Variants in PLXNA4 observed in about 807,000 individuals in gnomAD.
PLXNA4 encodes plexin A4.
Under a neutral mutation model 191.8 loss-of-function variants are expected in PLXNA4, and 44 were observed. The ratio of observed to expected loss-of-function variants is 0.23; its 90% CI spans 0.18 to 0.29. The LOEUF (loss-of-function observed/expected upper bound fraction) is 0.29, where lower values mean the gene tolerates loss of function less well. PLXNA4 is among the 10% of genes least tolerant of loss of function. The probability of loss-of-function intolerance (pLI) is 1.00; values close to 1 mark genes in which losing one functional copy is unlikely to be tolerated. For missense variants in PLXNA4, 1,800 were observed against 2,488.8 expected, an observed-to-expected ratio of 0.72 and a Z score of 5.89; for synonymous variants, 1,082 against 1,009.5, an observed-to-expected ratio of 1.07 and a Z score of -1.36.
chr7:132,140,555 C>T (rs755596347), intron 30 of PLXNA4, 44 bp downstream of exon 30: 5 of 1,602,370 alleles, frequency 3.1e-6, no homozygotes, highest in Non-Finnish European at 3.4e-6. Context: ...GAGCTGCTGG[C>T]TCCAGCAAGG....
chr7:132,489,211 CA>C, intron 3 of PLXNA4, 80 bp downstream of exon 3: 2 of 1,436,358 alleles, frequency 1.4e-6, no homozygotes, highest in Non-Finnish European at 1.9e-6. Context: ...CCCAAGTTAG[CA>C]AAAAGATGTA....
intron 1 of PLXNA4, among the ~76,000 whole-genome samples, chr7:132,561,402 C>CTCCTCCTCT (rs1801050097): frequency 7.0e-6 from 1 of 143,018 alleles, no homozygotes; most frequent in African/African-American, 2.7e-5. Context: ...CCTCCTCTTC[C>CTCCTCCTCT]TCCTCCTCCT....
Position 132,241,286 on chromosome 7 carries a change from G to A in PLXNA4, c.1504-120C>T, listed in dbSNP as rs188252861. 7.1e-5 allele frequency: 49 copies of A among 687,056 alleles called. 1 individual carries two copies. The East Asian group carries it at 1.4e-3, about 19-fold the overall frequency. 42.6% of individuals were successfully genotyped at this position (687,056 alleles called of 1,614,324 possible). On this transcript the variant is annotated intron_variant, in intron 4 of 31. Transcript: ENST00000321063. ...CCTGAAATGTTGCAGGAGCATGAAG[G>A]TGCTTGGAGCCCAGTGTGGGAAGGG...
At chr7:132,448,259 C>A (rs1795985804) in intron 3 of PLXNA4, among the ~76,000 whole-genome samples, 1 of 152,156 alleles carries the variant, frequency 6.6e-6, no homozygotes, top group Non-Finnish European at 1.5e-5. Flanking sequence ...TGGTGACCAG[C>A]TCCACAAGGA....
chr7:132,578,450 G>A (rs1802337555), upstream of PLXNA4, among the ~76,000 whole-genome samples: 1 of 152,100 alleles, frequency 6.6e-6, no homozygotes, highest in Non-Finnish European at 1.5e-5. Context: ...CCCTCCCATC[G>A]AAACATCTCA....
chr7:132,188,273 G>A (rs1253191890), intron 14 of PLXNA4, among the ~76,000 whole-genome samples: 1 of 152,240 alleles, frequency 6.6e-6, no homozygotes, highest in Non-Finnish European at 1.5e-5. Context: ...AGTCCAGGTT[G>A]GGGGCAGGGC....
chr7:132,564,153 TCTCCTC>T (rs1234778304), intron 1 of PLXNA4, among the ~76,000 whole-genome samples: 3 of 78,740 alleles, frequency 3.8e-5, no homozygotes, highest in East Asian at 9.9e-4. Flanking sequence ...TCCTCCTCCT[TCTCCTC>T]CTCCTTCTCC....
At chr7:132,528,275 C>T (rs1799485946) in intron 1 of PLXNA4, among the ~76,000 whole-genome samples, 1 of 152,176 alleles carries the variant, frequency 6.6e-6, no homozygotes, top group Non-Finnish European at 1.5e-5. Flanking sequence ...GAGGCTTCTC[C>T]ATGGTGCGGA....
At chr7:132,488,107 A>T (rs1162909388) in intron 3 of PLXNA4, among the ~76,000 whole-genome samples, 1 of 152,078 alleles carries the variant, frequency 6.6e-6, no homozygotes, top group Non-Finnish European at 1.5e-5. Flanking sequence ...CCCAGTGCTC[A>T]TTGTTTTCTT....
intron 3 of PLXNA4, among the ~76,000 whole-genome samples, chr7:132,424,258 C>A (rs534859250): frequency 6.6e-6 from 1 of 152,172 alleles, no homozygotes; most frequent in East Asian, 1.9e-4. Context: ...GTCTGCCCCC[C>A]GCTCCCTGGC....
intron 5 of PLXNA4, among the ~76,000 whole-genome samples, chr7:132,232,213 T>C (rs1443161023): frequency 2.0e-5 from 3 of 152,070 alleles, no homozygotes; most frequent in Non-Finnish European, 4.4e-5. Flanking sequence ...GTGGCTTAGA[T>C]GTTTCATTCC....
At chr7:132,335,963 C>T (rs1181874690) in intron 3 of PLXNA4, among the ~76,000 whole-genome samples, 1 of 152,204 alleles carries the variant, frequency 6.6e-6, no homozygotes, top group East Asian at 1.9e-4. Flanking sequence ...CTACTGTCTG[C>T]TGAGAATGAA....
intron 4 of PLXNA4, among the ~76,000 whole-genome samples, chr7:132,282,161 T>A (rs572897485): frequency 6.6e-6 from 1 of 152,336 alleles, no homozygotes; most frequent in East Asian, 1.9e-4. Context: ...AAATTTTTTT[T>A]ATTATTATAC....
At chr7:132,319,830 C>T (rs779392153) in intron 3 of PLXNA4, among the ~76,000 whole-genome samples, 19 of 152,238 alleles carry the variant, frequency 1.2e-4, no homozygotes, top group African/African-American at 4.6e-4. Context: ...GAGCCGTGCA[C>T]GGCAGTACCA....
At chr7:132,482,779 G>A (rs972000747) in intron 3 of PLXNA4, among the ~76,000 whole-genome samples, 1 of 149,186 alleles carries the variant, frequency 6.7e-6, no homozygotes, top group African/African-American at 2.5e-5. Context: ...TGCAACCTCC[G>A]CCTCCTGGGT....
chr7:132,526,400 A>G (rs12530624), intron 1 of PLXNA4, among the ~76,000 whole-genome samples: 1 of 152,156 alleles, frequency 6.6e-6, no homozygotes, highest in African/African-American at 2.4e-5. Flanking sequence ...CAATTTTCTC[A>G]GATTATAAGA....
intron 3 of PLXNA4, among the ~76,000 whole-genome samples, chr7:132,408,272 T>C (rs1366353368): frequency 2.0e-5 from 3 of 152,040 alleles, no homozygotes; most frequent in African/African-American, 7.2e-5. Flanking sequence ...AAATGAGACA[T>C]AGAGTATAAT....
intron 30 of PLXNA4, among the ~76,000 whole-genome samples, chr7:132,133,680 A>C (rs2116508688): frequency 6.6e-6 from 1 of 152,284 alleles, no homozygotes; most frequent in East Asian, 1.9e-4. Context: ...ACTCAGGGAG[A>C]GACTGGTAGA....
intron 17 of PLXNA4, 45 bp from the exon 18 acceptor site, chr7:132,181,665 T>C: frequency 3.7e-6 from 6 of 1,604,036 alleles, no homozygotes; most frequent in Non-Finnish European, 5.1e-6. Flanking sequence ...TATCTCCACA[T>C]ACCCACAGCC....
Sources: allele counts gnomAD v4.1 joint callset (sites outside exome capture counted in the v4.1 genomes callset), GRCh38; gene constraint gnomAD v4.1.1; transcripts MANE v1.5; gene names NCBI Gene and HGNC (gene_info 2026-07-23, HGNC 2026-07-21).